UGGT2: variants seen among roughly 807,000 people sequenced by gnomAD.
UGGT2 encodes the protein UDP-glucose glycoprotein glucosyltransferase 2.
A neutral mutation model predicts 192.1 loss-of-function variants in UGGT2; 180 were observed. The ratio of observed to expected loss-of-function variants is 0.94; its 90% confidence interval spans 0.83 to 1.06. The LOEUF is 1.06. Among genes scored for constraint, UGGT2 ranks in the 50% least tolerant of loss-of-function variants. The pLI is 0.00. For synonymous variants in UGGT2, 580 were observed against 591.0 expected (o/e 0.98, Z 0.27); for missense variants, 1,849 against 1,795.7 (o/e 1.03, Z -0.54).
intron 17 of UGGT2, among the ~76,000 whole-genome samples, chr13:95,932,649 G>C (rs2049328044): frequency 1.3e-5 from 2 of 152,062 alleles, no homozygotes; most frequent in South Asian, 4.1e-4. Flanking sequence ...AGTGAGACTG[G>C]GCATCCTTTT....
intron 38 of UGGT2, among the ~76,000 whole-genome samples, chr13:95,806,647 C>G (rs141043468): frequency 4.6e-4 from 70 of 152,072 alleles, no homozygotes; most frequent in Non-Finnish European, 8.8e-4. Flanking sequence ...AAACTTACTA[C>G]AAAGCTACAG....
chr13:95,902,911 CTTTGCCAG>C lies in UGGT2; in HGVS notation c.2437_2444del (p.Leu813GlyfsTer12), dbSNP rs1355660214. 2 of 1,613,308 alleles carry C rather than the reference CTTTGCCAG, an allele frequency of 1.2e-6. No individual in the cohort carries two copies. The highest frequency in any genetic ancestry group is 2.7e-5 in the African/African-American group (2 of 74,882). Reference sequence around the variant, plus strand: ...AGTAAATAGCTGTAGCAATTTCTTCCTTTGCCAGTTGCCCAAGAAAGCTTCTCAAAAAC... The same window carrying C: ...AGTAAATAGCTGTAGCAATTTCTTCCTTGCCCAAGAAAGCTTCTCAAAAAC... On this transcript the variant is annotated frameshift_variant, in exon 21 of 39. Coordinates refer to ENST00000376747, the MANE Select transcript of UGGT2 (RefSeq NM_020121.4). LOFTEE classifies it high-confidence loss of function.
chr13:95,856,400 G>A, intron 33 of UGGT2, 60 bp from the exon 34 acceptor site: 2 of 1,545,752 alleles, frequency 1.3e-6, no homozygotes, highest in Non-Finnish European at 8.7e-7. Context: ...TTGTTTTAGA[G>A]AAAAAAATAA....
intron 38 of UGGT2, among the ~76,000 whole-genome samples, chr13:95,816,869 G>A (rs1294683611): frequency 6.6e-6 from 1 of 152,212 alleles, no homozygotes; most frequent in Non-Finnish European, 1.5e-5. Context: ...GCTCATGCCT[G>A]TAATCCCAGC....
intron 12 of UGGT2, among the ~76,000 whole-genome samples, chr13:95,967,156 CT>C (rs35913234): frequency 1.9e-3 from 268 of 140,040 alleles, no homozygotes; most frequent in Non-Finnish European, 1.7e-3. Flanking sequence ...CAGGCATAAC[CT>C]TTTTTTTTTT....
At chr13:95,971,899 T>C (rs1020330316) in intron 11 of UGGT2, among the ~76,000 whole-genome samples, 5 of 152,154 alleles carry the variant, frequency 3.3e-5, no homozygotes, top group African/African-American at 4.8e-5. Flanking sequence ...TTCAAATAAT[T>C]TCACTTCAAC....
At chr13:95,983,680 G>T in intron 10 of UGGT2, 124 bp downstream of exon 10, 2 of 757,748 alleles carry the variant, frequency 2.6e-6, no homozygotes, top group Non-Finnish European at 4.4e-6. Flanking sequence ...GAAGAACCCA[G>T]ACTGTTTTAA....
At chr13:96,024,726 T>C (rs1228094964) in intron 2 of UGGT2, among the ~76,000 whole-genome samples, 2 of 152,192 alleles carry the variant, frequency 1.3e-5, no homozygotes, top group Admixed American at 6.5e-5. Context: ...AAATTTCTCA[T>C]ACAAAAGAAC....
chr13:95,810,420 C>T (rs1884524798), intron 38 of UGGT2, among the ~76,000 whole-genome samples: 1 of 152,150 alleles, frequency 6.6e-6, no homozygotes, highest in Admixed American at 6.5e-5. Context: ...GCCTATGATG[C>T]CATGTATGGT....
At chr13:95,929,572 T>TA (rs577689687) in intron 17 of UGGT2, among the ~76,000 whole-genome samples, 169 of 152,324 alleles carry the variant, frequency 1.1e-3, no homozygotes, top group African/African-American at 4.0e-3. Context: ...GTTTCTGTGT[T>TA]AGTTTGCTTG....
intron 15 of UGGT2, among the ~76,000 whole-genome samples, chr13:95,942,224 GTGTGTGTGTGTGTGTGTGTGTGT>G (rs2049711854): frequency 2.4e-5 from 2 of 82,716 alleles, no homozygotes; most frequent in African/African-American, 4.8e-5. Flanking sequence ...GGGTGAGGGT[GTGTGTGTGTGTGTGTGTGTGTGT>G]GTGTGTGTGT....
chr13:95,937,169 C>T (rs2049494753), intron 16 of UGGT2, 81 bp from the exon 17 acceptor site: 1 of 1,416,876 alleles, frequency 7.1e-7, no homozygotes, highest in South Asian at 1.4e-5. Flanking sequence ...AACACCGCCA[C>T]ATTTTTATAT....
At position 95,937,036 on chromosome 13, in the gene UGGT2, A is replaced by T. The variant is rs1275506573; in HGVS notation, c.1865T>A (p.Leu622His). The change falls in exon 17 of 39, where the codon CTT (leucine) becomes CAT (histidine). Residue 622 changes from leucine to histidine, a missense_variant. Transcript: ENST00000376747. ...ATGTTTAAAGGGTTCACCATTATAAAGAGCTTGAGGCAAAGGACCCAGGCC... is the reference window on the plus strand; with the variant it reads ...ATGTTTAAAGGGTTCACCATTATAATGAGCTTGAGGCAAAGGACCCAGGCC... ...MTGLGPLPQA[L>H]YNGEPFKHEE... 5 of 1,604,646 alleles carry T rather than the reference A, an allele frequency of 3.1e-6. No homozygotes were observed. Among genetic ancestry groups the T allele is most frequent in the Non-Finnish European group, 4.2e-6 (5 of 1,178,122 alleles).
At chr13:95,825,394 G>T (rs1885925011) in intron 38 of UGGT2, among the ~76,000 whole-genome samples, 1 of 152,128 alleles carries the variant, frequency 6.6e-6, no homozygotes, top group African/African-American at 2.4e-5. Context: ...AAGGGGAAGA[G>T]TGAGAGCCAC....
rs376286450 is a variant in UGGT2, at chr13:95,837,067, T to C, written c.4401+19A>G. On this transcript the variant is annotated intron_variant, in intron 37 of 38. Coordinates refer to ENST00000376747, the MANE Select transcript of UGGT2 (RefSeq NM_020121.4). Reference sequence around the variant, plus strand: ...ATTTCTGTATCTGCTTACATACAAATGAAAACAAAGACACTCACCAGATCA... The same window carrying C: ...ATTTCTGTATCTGCTTACATACAAACGAAAACAAAGACACTCACCAGATCA... 3.2e-6 allele frequency: 5 copies of C among 1,552,328 alleles called. No individual in the cohort carries two copies. The African/African-American group carries it at 6.8e-5, about 21-fold the overall frequency.
At chr13:95,810,543 T>A (rs934548396) in intron 38 of UGGT2, among the ~76,000 whole-genome samples, 1 of 152,228 alleles carries the variant, frequency 6.6e-6, no homozygotes, top group Non-Finnish European at 1.5e-5. Context: ...TATGCATTCA[T>A]GACATACCTA....
At chr13:95,999,774 C>CA (rs2051740396) in intron 5 of UGGT2, among the ~76,000 whole-genome samples, 3 of 151,832 alleles carry the variant, frequency 2.0e-5, no homozygotes, top group Non-Finnish European at 2.9e-5. Context: ...GCAAAGGAGA[C>CA]AAAAAAAGTT....
intron 17 of UGGT2, among the ~76,000 whole-genome samples, chr13:95,934,087 A>T (rs1222334242): frequency 2.0e-5 from 3 of 152,144 alleles, no homozygotes; most frequent in Admixed American, 1.3e-4. Context: ...ATTTATTTGA[A>T]TTTTTATTAT....
chr13:95,924,247 G>A (rs2048941355), intron 20 of UGGT2, among the ~76,000 whole-genome samples: 1 of 152,044 alleles, frequency 6.6e-6, no homozygotes, highest in South Asian at 2.1e-4. Context: ...ACTAAATCAA[G>A]AGAAAGTTAT....
Sources: allele counts gnomAD v4.1 joint callset (sites outside exome capture counted in the v4.1 genomes callset), GRCh38; gene constraint gnomAD v4.1.1; transcripts MANE v1.5; gene names NCBI Gene and HGNC (gene_info 2026-07-23, HGNC 2026-07-21).